The following SLC13A1 variants were observed in gnomAD, a reference collection of about 807,000 sequenced individuals.
SLC13A1 encodes Na(+)/sulfate cotransporter.
A neutral mutation model predicts 70.0 loss-of-function variants in SLC13A1; 65 were observed. The ratio of observed to expected loss-of-function variants is 0.93; its 90% CI spans 0.76 to 1.14. SLC13A1 has a LOEUF of 1.14. Among genes scored for constraint, SLC13A1 ranks in the 50% most tolerant of loss-of-function variants. The pLI is 0.00. For synonymous variants in SLC13A1, 275 were observed against 250.5 expected (o/e 1.10, Z -0.92); for missense variants, 726 against 717.8 (o/e 1.01, Z -0.13).
At chr7:123,148,632 GT>G in intron 6 of SLC13A1, 1 of 330,826 alleles carries the variant, frequency 3.0e-6, no homozygotes, top group African/African-American at 2.2e-5. Flanking sequence ...TTAATGAATG[GT>G]TTTTCAGTTA....
At position 123,125,594 on chromosome 7, in the gene SLC13A1, AG is replaced by A; in HGVS notation, c.1214del (p.Thr405IlefsTer17). The A allele has an allele frequency of 6.2e-7, 1 of 1,611,914 alleles. No homozygotes were observed. The highest frequency in any genetic ancestry group is 8.5e-7 in the Non-Finnish European group (1 of 1,178,712). ...CAATTTCTCCTGTAGGTGTAGTTTTAGTCAGTGTCTTAGCTGGGATAAGAAA... is the reference window on the plus strand; with the variant it reads ...CAATTTCTCCTGTAGGTGTAGTTTTATCAGTGTCTTAGCTGGGATAAGAAA... ...LFFLIPAKTLTKTTPTGEIVA... is the reference protein window; with the variant it reads ...LFFLIPAKTLXKTTPTGEIVA... On this transcript the variant is annotated frameshift_variant, in exon 11 of 15. Transcript: ENST00000194130. LOFTEE classifies it high-confidence loss of function.
intron 6 of SLC13A1, among the ~76,000 whole-genome samples, chr7:123,163,449 G>T (rs962074608): frequency 6.6e-6 from 1 of 152,134 alleles, no homozygotes; most frequent in African/African-American, 2.4e-5. Flanking sequence ...TTTTAGATAT[G>T]CAGCATAGGA....
At chr7:123,132,535 C>A (rs1362381309) in intron 8 of SLC13A1, among the ~76,000 whole-genome samples, 1 of 152,090 alleles carries the variant, frequency 6.6e-6, no homozygotes, top group African/African-American at 2.4e-5. Flanking sequence ...CCACGCCCAG[C>A]TAATTTTTGT....
intron 1 of SLC13A1, among the ~76,000 whole-genome samples, chr7:123,196,173 C>T (rs1796171666): frequency 6.6e-6 from 1 of 151,868 alleles, no homozygotes; most frequent in Admixed American, 6.6e-5. Flanking sequence ...AAATTTCTCT[C>T]CAAAATGAGA....
intron 1 of SLC13A1, among the ~76,000 whole-genome samples, chr7:123,193,618 A>G (rs1408970770): frequency 6.6e-6 from 1 of 152,182 alleles, no homozygotes; most frequent in East Asian, 1.9e-4. Context: ...TAAATAAGCA[A>G]TGACATCATG....
At chr7:123,173,962 G>A (rs983527520) in intron 2 of SLC13A1, among the ~76,000 whole-genome samples, 4 of 140,538 alleles carry the variant, frequency 2.8e-5, no homozygotes, top group South Asian at 2.4e-4. Context: ...TTCCAGAGTC[G>A]GGAAGCTGTT....
intron 1 of SLC13A1, among the ~76,000 whole-genome samples, chr7:123,194,352 G>T (rs1438336233): frequency 3.9e-5 from 6 of 152,084 alleles, no homozygotes; most frequent in African/African-American, 1.4e-4. Context: ...ACTGCAAATA[G>T]TGAAGTATTG....
Position 123,119,134 on chromosome 7 carries a change from C to T in SLC13A1, c.1459G>A (p.Val487Ile), listed in dbSNP as rs1310007603. 11 of 1,612,520 alleles carry T rather than the reference C, an allele frequency of 6.8e-6. No individual in the cohort carries two copies. In the African/African-American group the frequency reaches 8.0e-5, roughly 12 times the overall value. Residue 487 changes from valine (V) to isoleucine (I), a missense_variant, in exon 13 of 15, where the codon GTA (valine) becomes ATA (isoleucine). Transcript: ENST00000194130. The part of the protein sequence containing the change: ...SSLMVTSLTE[V>I]ASNPATITLF... ...GTAATGGTAGCTGGATTGCTGGCTACCTCAGTTAAAGATGTCACCATCAAA... is the reference window on the plus strand; with the variant it reads ...GTAATGGTAGCTGGATTGCTGGCTATCTCAGTTAAAGATGTCACCATCAAA...
At chr7:123,180,853 TG>T (rs28364178) in intron 2 of SLC13A1, 119 bp downstream of exon 2, 4 of 1,032,064 alleles carry the variant, frequency 3.9e-6, no homozygotes, top group Non-Finnish European at 5.5e-6. Flanking sequence ...GTTGGAAGTT[TG>T]GGGGACTTAT....
intron 1 of SLC13A1, among the ~76,000 whole-genome samples, chr7:123,182,907 A>T (rs1214903047): frequency 2.6e-5 from 4 of 152,136 alleles, no homozygotes; most frequent in African/African-American, 9.7e-5. Context: ...AAGAATCCTC[A>T]TTTTGCATTC....
In SLC13A1 at chr7:123,168,555, ACACTT is replaced by A. The variant is rs1192918254; in HGVS notation, c.555_559del (p.Glu185AspfsTer2). On this transcript the variant is annotated frameshift_variant and splice_region_variant, in exon 5 of 15. Coordinates refer to ENST00000194130, the MANE Select transcript of SLC13A1 (RefSeq NM_022444.4). LOFTEE classifies it high-confidence loss of function. The stretch of plus-strand genomic sequence containing the variant: ...CCTCTCATTTATTTCATGTCCATTA[ACACTT>A]TCTGCAAAACATTAAATAAAAGAAA... 3.1e-6 allele frequency: 5 copies of A among 1,605,848 alleles called. No homozygotes were observed. The South Asian group carries it at 5.5e-5, about 18-fold the overall frequency.
chr7:123,169,761 A>G (rs1386997146), intron 3 of SLC13A1, among the ~76,000 whole-genome samples: 3 of 151,870 alleles, frequency 2.0e-5, no homozygotes, highest in South Asian at 2.1e-4. Flanking sequence ...TTTTTCTTTT[A>G]TCTTTTAGCC....
chr7:123,141,780 A>G (rs1794158853), intron 7 of SLC13A1, among the ~76,000 whole-genome samples: 1 of 152,032 alleles, frequency 6.6e-6, no homozygotes, highest in Admixed American at 6.6e-5. Context: ...GGCATGGAAT[A>G]TATTTTTCTA....
chr7:123,172,997 G>A (rs1299277157), intron 2 of SLC13A1, among the ~76,000 whole-genome samples: 2 of 152,028 alleles, frequency 1.3e-5, no homozygotes, highest in Non-Finnish European at 2.9e-5. Flanking sequence ...TTTAGGTGGA[G>A]CACTTCATGA....
Position 123,181,059 on chromosome 7 carries a change from A to G in SLC13A1, c.142T>C (p.Trp48Arg), listed in dbSNP as rs2116615827. The G allele has an allele frequency of 6.2e-7, 1 of 1,612,842 alleles. No homozygotes were observed. Among genetic ancestry groups the G allele is most frequent in the Non-Finnish European group, 8.5e-7 (1 of 1,179,112 alleles). The change falls in exon 2 of 15, where the codon TGG becomes CGG. Residue 48 changes from tryptophan (W) to arginine (R), a missense_variant. Trp to Arg is a moderately radical substitution (Grantham distance 101). Transcript: ENST00000194130. The stretch of plus-strand genomic sequence containing the variant: ...GACAGAGGCAATGCTTCTGTGAGCC[A>G]AAATGTGGCGACCACAAAGAGTGTG... ...AYTLFVVATF[W>R]LTEALPLSVT...
At chr7:123,147,443 G>A in intron 6 of SLC13A1, 133 bp from the exon 7 acceptor site, 1 of 1,039,350 alleles carries the variant, frequency 9.6e-7, no homozygotes, top group South Asian at 1.6e-5. Flanking sequence ...TTTGGCAATG[G>A]GGCATTTGGA....
chr7:123,186,737 ATTACAAC>A, intron 1 of SLC13A1: 1 of 456,000 alleles, frequency 2.2e-6, no homozygotes. Context: ...CGATATCGTT[ATTACAAC>A]TTACTCTGCA....
intron 1 of SLC13A1, among the ~76,000 whole-genome samples, chr7:123,196,335 A>C (rs941087244): frequency 6.6e-6 from 1 of 152,144 alleles, no homozygotes; most frequent in Non-Finnish European, 1.5e-5. Flanking sequence ...ATCAATAAGA[A>C]AATGGAATTG....
intron 6 of SLC13A1, among the ~76,000 whole-genome samples, chr7:123,161,211 A>T (rs139131900): frequency 4.0e-5 from 6 of 151,210 alleles, no homozygotes; most frequent in African/African-American, 1.4e-4. Context: ...ATAAAATAAG[A>T]TAAATAAAGA....
Sources: gnomAD v4.1 joint callset for allele counts (sites outside exome capture counted in the v4.1 genomes callset) on GRCh38, gnomAD v4.1.1 for gene constraint, MANE v1.5 for transcripts, NCBI Gene and HGNC (gene_info 2026-07-23, HGNC 2026-07-21) for gene names.